SP4: variants seen among roughly 807,000 people sequenced by gnomAD.
SP4 encodes Sp4 transcription factor, also known as transcription factor Sp4.
Under a neutral mutation model 72.8 loss-of-function variants are expected in SP4, and 19 were observed. That is an observed-to-expected ratio of 0.26 (90% CI 0.18 to 0.38). SP4 has a LOEUF of 0.38. Among genes scored for constraint, SP4 ranks in the 10% least tolerant of loss-of-function variants. The pLI, the probability that SP4 is intolerant of heterozygous loss-of-function variation, is 1.00. For synonymous variants in SP4, 395 were observed against 333.1 expected, an observed-to-expected ratio of 1.19 and a Z score of -2.02; for missense variants, 1,008 against 926.3, an observed-to-expected ratio of 1.09 and a Z score of -1.14.
chr7:21,506,781 C>T (rs936360918), intron 5 of SP4, among the ~76,000 whole-genome samples: 4 of 152,224 alleles, frequency 2.6e-5, no homozygotes, highest in African/African-American at 7.2e-5. Flanking sequence ...AGATCTAATC[C>T]GGAGCATTTT....
intron 5 of SP4, among the ~76,000 whole-genome samples, chr7:21,489,854 A>G (rs544933131): frequency 4.0e-4 from 61 of 151,666 alleles, no homozygotes; most frequent in Non-Finnish European, 6.0e-4. Flanking sequence ...CACTGTGCCC[A>G]GCCCCAGGCT....
At position 21,430,708 on chromosome 7, in the gene SP4, G is replaced by A. The variant is rs745731737; in HGVS notation, c.1543G>A (p.Val515Ile). The A allele has an allele frequency of 6.2e-7, 1 of 1,614,186 alleles. No individual in the cohort carries two copies. Among genetic ancestry groups the A allele is most frequent in the East Asian group, 2.2e-5 (1 of 44,886 alleles). Residue 515 changes from valine to isoleucine, a missense_variant, in exon 3 of 6, where the codon GTT becomes ATT. Coordinates refer to ENST00000222584, the MANE Select transcript of SP4 (RefSeq NM_003112.5). ...TCTTGCTCAGATTGCTCCTGTGGCTGTTGCTGGTGCCCCAATAACTTTGAA... is the reference window on the plus strand; with the variant it reads ...TCTTGCTCAGATTGCTCCTGTGGCTATTGCTGGTGCCCCAATAACTTTGAA... The part of the protein sequence containing the change: ...TTLAQIAPVA[V>I]AGAPITLNTA...
intron 3 of SP4, among the ~76,000 whole-genome samples, chr7:21,470,749 G>GGA (rs35201777): frequency 1.6e-4 from 17 of 105,334 alleles, no homozygotes; most frequent in East Asian, 4.8e-4. Flanking sequence ...TCTATATTTG[G>GGA]AAAAAAAAAA....
At chr7:21,457,620 T>A (rs1488592344) in intron 3 of SP4, among the ~76,000 whole-genome samples, 1 of 152,254 alleles carries the variant, frequency 6.6e-6, no homozygotes, top group East Asian at 1.9e-4. Flanking sequence ...TTTTTGATAA[T>A]TAACAGACCA....
chr7:21,439,531 T>A (rs1229815995), intron 3 of SP4, among the ~76,000 whole-genome samples: 2 of 151,578 alleles, frequency 1.3e-5, no homozygotes, highest in African/African-American at 4.9e-5. Context: ...TTTTTTTCCA[T>A]GAACAGTCCT....
rs1443986274 is a variant in SP4, at chr7:21,511,850, C to T, written c.*581C>T. The T allele has an allele frequency of 6.5e-6, 1 of 154,072 alleles. No homozygotes were observed. Among genetic ancestry groups the T allele is most frequent in the East Asian group, 1.9e-4 (1 of 5,202 alleles). The allele number at this position is 154,072 out of a possible 1,614,324, so 9.5% of individuals were successfully genotyped here. Reference sequence around the variant, plus strand: ...CAAAACAGTAATCTGAGATGCATCTCAGATCTTTATTACCACTACATTATA... The same window carrying T: ...CAAAACAGTAATCTGAGATGCATCTTAGATCTTTATTACCACTACATTATA... On this transcript the variant is annotated 3_prime_UTR_variant, in exon 6 of 6. Transcript: ENST00000222584.
At chr7:21,453,610 A>G (rs1320330870) in intron 3 of SP4, among the ~76,000 whole-genome samples, 1 of 152,220 alleles carries the variant, frequency 6.6e-6, no homozygotes, top group African/African-American at 2.4e-5. Context: ...GCATTGGTGT[A>G]CTATTGATGT....
At chr7:21,440,582 GT>G (rs1783209987) in intron 3 of SP4, among the ~76,000 whole-genome samples, 2 of 152,158 alleles carry the variant, frequency 1.3e-5, no homozygotes, top group African/African-American at 4.8e-5. Flanking sequence ...AGGCGTGGTG[GT>G]TCACACCTGT....
At position 21,428,257 on chromosome 7, in the gene SP4, C is replaced by A; in HGVS notation, c.6C>A (p.Ser2Arg). 7.5e-7 allele frequency: 1 copy of A among 1,339,494 alleles called. No individual in the cohort carries two copies. Among genetic ancestry groups the A allele is most frequent in the South Asian group, 1.2e-5 (1 of 81,390 alleles). 83.0% of individuals were successfully genotyped at this position (1,339,494 alleles called of 1,614,324 possible). M[S>R]DQKKEEEEEA... ...GTTTGTCCTGTTAATGCGGGATGAG[C>A]GGTACGTATTCTCCACCCCCCTCAG... Residue 2 changes from serine to arginine, a missense_variant and splice_region_variant, in exon 1 of 6, where the codon AGC becomes AGA. Around this residue, in one of 3 missense-constraint regions of SP4, gnomAD observed 893 missense variants for 743.3 expected, o/e 1.20. Coordinates refer to ENST00000222584, the MANE Select transcript of SP4 (RefSeq NM_003112.5).
At chr7:21,486,569 A>T (rs1186914782) in intron 5 of SP4, among the ~76,000 whole-genome samples, 1 of 152,080 alleles carries the variant, frequency 6.6e-6, no homozygotes, top group African/African-American at 2.4e-5. Flanking sequence ...GGGTTTGTCT[A>T]ATGTTTTCTA....
intron 5 of SP4, among the ~76,000 whole-genome samples, chr7:21,491,340 A>G (rs527721049): frequency 6.6e-6 from 1 of 152,204 alleles, no homozygotes; most frequent in Non-Finnish European, 1.5e-5. Flanking sequence ...GATTGAAGAT[A>G]GACCACTGGA....
At chr7:21,490,643 G>T (rs976750264) in intron 5 of SP4, among the ~76,000 whole-genome samples, 1 of 152,158 alleles carries the variant, frequency 6.6e-6, no homozygotes, top group Non-Finnish European at 1.5e-5. Context: ...TTTTGAGAGC[G>T]ATATAAAAGA....
chr7:21,464,731 A>T (rs1784114755), intron 3 of SP4, among the ~76,000 whole-genome samples: 1 of 152,040 alleles, frequency 6.6e-6, no homozygotes, highest in Non-Finnish European at 1.5e-5. Context: ...CAACCTTCAT[A>T]GGCTTCCAAT....
In SP4 at chr7:21,429,203, G is replaced by A. The variant is rs1449668984; in HGVS notation, c.124-86G>A. 4.3e-6 allele frequency: 3 copies of A among 691,648 alleles called. No homozygotes were observed. In the East Asian group the frequency reaches 7.9e-5, roughly 18 times the overall value. 42.8% of individuals were successfully genotyped at this position (691,648 alleles called of 1,614,324 possible). A position where few individuals can be genotyped will look rare whatever the true frequency, so the allele number is the denominator to read the frequency against. ...TTGTTATGTAGAGCTGTCAAAATAA[G>A]TAACCCCCTGGCAACTACTGGCCTC... On this transcript the variant is annotated intron_variant, in intron 2 of 5. Transcript: ENST00000222584.
chr7:21,502,492 C>T (rs779196905), intron 5 of SP4, among the ~76,000 whole-genome samples: 4 of 152,108 alleles, frequency 2.6e-5, no homozygotes. Flanking sequence ...GCATCCTTGT[C>T]TCGGTATAGA....
intron 3 of SP4, among the ~76,000 whole-genome samples, chr7:21,471,651 T>G (rs1347578946): frequency 6.6e-6 from 1 of 151,860 alleles, no homozygotes; most frequent in Non-Finnish European, 1.5e-5. Flanking sequence ...GTGGGCAACA[T>G]AGTGAGACAT....
Position 21,429,858 on chromosome 7 carries a change from C to A in SP4, c.693C>A (p.Val231=), listed in dbSNP as rs1013371075. The change falls in exon 3 of 6, where the codon GTC becomes GTA. Residue 231 remains valine, a synonymous_variant. Coordinates refer to ENST00000222584, the MANE Select transcript of SP4 (RefSeq NM_003112.5). ...AQNLANQTVP[V]QIRPGVSIPL... ...ACCTGGCAAATCAGACAGTTCCGGT[C>A]CAAATTAGACCTGGTGTTTCAATAC... The A allele has an allele frequency of 6.2e-7, 1 of 1,614,150 alleles. No individual in the cohort carries two copies. Among genetic ancestry groups the A allele is most frequent in the Non-Finnish European group, 8.5e-7 (1 of 1,180,012 alleles).
chr7:21,434,794 C>T (rs145679180), intron 3 of SP4, among the ~76,000 whole-genome samples: 86 of 151,832 alleles, frequency 5.7e-4, no homozygotes, highest in African/African-American at 1.9e-3. Context: ...TCTGTTATTC[C>T]ACCTGTATGT....
At chr7:21,446,491 A>G (rs1169999488) in intron 3 of SP4, among the ~76,000 whole-genome samples, 3 of 151,834 alleles carry the variant, frequency 2.0e-5, no homozygotes, top group Non-Finnish European at 4.4e-5. Context: ...TGTCTCTGCC[A>G]TTAAACAATT....
Sources: allele counts gnomAD v4.1 joint callset (sites outside exome capture counted in the v4.1 genomes callset), GRCh38; gene constraint gnomAD v4.1.1; regional missense constraint gnomAD v4.1.1; transcripts MANE v1.5; gene names NCBI Gene and HGNC (gene_info 2026-07-23, HGNC 2026-07-21).